LUZP2: variants seen among roughly 807,000 people sequenced by gnomAD.
LUZP2 encodes leucine zipper protein 2.
Under a neutral mutation model 51.6 loss-of-function variants are expected in LUZP2, and 52 were observed. That is an observed-to-expected ratio of 1.01 (90% CI 0.81 to 1.27). The LOEUF is 1.27. LUZP2 is among the 50% of genes most tolerant of loss of function. LUZP2 has a pLI of 0.00. For synonymous variants in LUZP2, 154 were observed against 137.3 expected (o/e 1.12, Z -0.85); for missense variants, 436 against 395.4 (o/e 1.10, Z -0.87).
chr11:24,854,258 G>A (rs1000810060), intron 5 of LUZP2, among the ~76,000 whole-genome samples: 26 of 152,208 alleles, frequency 1.7e-4, no homozygotes, highest in African/African-American at 5.8e-4. Context: ...CCAGGGAGAT[G>A]GAAGCTTTAT....
At chr11:24,936,776 G>C (rs970013404) in intron 7 of LUZP2, among the ~76,000 whole-genome samples, 2 of 152,008 alleles carry the variant, frequency 1.3e-5, no homozygotes, top group Non-Finnish European at 1.5e-5. Flanking sequence ...CTCTGAACTC[G>C]TGCAGTTTAG....
chr11:24,880,446 T>A (rs1158548191), intron 5 of LUZP2, among the ~76,000 whole-genome samples: 2 of 152,256 alleles, frequency 1.3e-5, no homozygotes, highest in South Asian at 4.1e-4. Flanking sequence ...GAAAGTGAAT[T>A]TTTGTGTAGA....
Position 24,712,283 on chromosome 11 carries a change from T to C in LUZP2, c.63-16886T>C, listed in dbSNP as rs1857860348. Among the ~76,000 whole-genome samples, 2 of 151,950 alleles carry C rather than the reference T, an allele frequency of 1.3e-5. 1 individual carries two copies. The highest frequency in any genetic ancestry group is 4.1e-4 in the South Asian group (2 of 4,832). ...AAAAAATTAGCCAGGCATGGTGGCA[T>C]GCACCCGTGGTCTCAGCTACTCACA... On this transcript the variant is annotated intron_variant, in intron 1 of 11. Coordinates refer to ENST00000336930, the MANE Select transcript of LUZP2 (RefSeq NM_001009909.4).
At chr11:24,665,044 A>G (rs1856167354) in intron 1 of LUZP2, among the ~76,000 whole-genome samples, 2 of 152,180 alleles carry the variant, frequency 1.3e-5, no homozygotes, top group Admixed American at 1.3e-4. Flanking sequence ...AAAGACACTC[A>G]ACGTCAGTAT....
At chr11:25,000,100 C>T (rs990220886) in intron 9 of LUZP2, among the ~76,000 whole-genome samples, 6 of 151,902 alleles carry the variant, frequency 3.9e-5, no homozygotes, top group African/African-American at 1.2e-4. Context: ...CTGATTGGTG[C>T]GGTTACAAAC....
chr11:24,557,671 G>T (rs1851912244), intron 1 of LUZP2, among the ~76,000 whole-genome samples: 1 of 152,012 alleles, frequency 6.6e-6, no homozygotes, highest in Non-Finnish European at 1.5e-5. Flanking sequence ...TCCATTAGGG[G>T]ATATATCAAA....
chr11:24,993,244 G>A (rs538734071), intron 9 of LUZP2, among the ~76,000 whole-genome samples: 2 of 152,042 alleles, frequency 1.3e-5, no homozygotes, highest in Admixed American at 1.3e-4. Context: ...ATATATAATG[G>A]GAGAAAATCA....
chr11:24,574,359 C>T (rs1728558908), intron 1 of LUZP2, among the ~76,000 whole-genome samples: 1 of 137,164 alleles, frequency 7.3e-6, no homozygotes, highest in African/African-American at 2.7e-5. Context: ...TCCTCCCTCC[C>T]TCCCTCCTTC....
intron 1 of LUZP2, among the ~76,000 whole-genome samples, chr11:24,715,263 A>ATGTGTGTG (rs58368050): frequency 0.067 from 8,984 of 133,382 alleles, 387 homozygotes; most frequent in East Asian, 0.15. Flanking sequence ...AGGAGCAACT[A>ATGTGTGTG]TGTGTGTGTG....
chr11:24,960,720 G>T (rs967212231), intron 7 of LUZP2, among the ~76,000 whole-genome samples: 1 of 151,952 alleles, frequency 6.6e-6, no homozygotes, highest in African/African-American at 2.4e-5. Context: ...TTAATTTTTT[G>T]AAGGGTCCTT....
At chr11:24,628,991 GTATAT>G (rs1202314047) in intron 1 of LUZP2, among the ~76,000 whole-genome samples, 1 of 151,854 alleles carries the variant, frequency 6.6e-6, no homozygotes, top group Non-Finnish European at 1.5e-5. Flanking sequence ...ATAATATATG[GTATAT>G]TATATATAAA....
intron 9 of LUZP2, among the ~76,000 whole-genome samples, chr11:24,994,771 T>C (rs1244259114): frequency 6.6e-6 from 1 of 152,206 alleles, no homozygotes; most frequent in Non-Finnish European, 1.5e-5. Context: ...TTCAGGGTGG[T>C]AATTTAATCT....
intron 5 of LUZP2, among the ~76,000 whole-genome samples, chr11:24,812,370 C>G (rs1850047450): frequency 6.6e-6 from 1 of 152,112 alleles, no homozygotes; most frequent in South Asian, 2.1e-4. Context: ...AAAACTTCTT[C>G]AATTCCCCTT....
intron 1 of LUZP2, among the ~76,000 whole-genome samples, chr11:24,632,008 A>G (rs901758196): frequency 7.2e-5 from 11 of 152,046 alleles, no homozygotes; most frequent in African/African-American, 2.7e-4. Flanking sequence ...CACAATCAAA[A>G]TGTAATATGG....
At chr11:24,502,859 A>G (rs1342013016) in intron 1 of LUZP2, among the ~76,000 whole-genome samples, 2 of 152,238 alleles carry the variant, frequency 1.3e-5, no homozygotes, top group African/African-American at 2.4e-5. Context: ...AGCTGTGAGT[A>G]CAAGTGTCAA....
At chr11:25,074,037 T>C (rs1859233035) in intron 10 of LUZP2, among the ~76,000 whole-genome samples, 1 of 152,194 alleles carries the variant, frequency 6.6e-6, no homozygotes, top group African/African-American at 2.4e-5. Context: ...AAAGTCTATT[T>C]CACTCCAAAG....
At chr11:24,974,376 A>T (rs10767291) in intron 7 of LUZP2, among the ~76,000 whole-genome samples, 138,145 of 152,006 alleles carry the variant, frequency 0.91, 64,235 homozygotes, top group Non-Finnish European at 1. Flanking sequence ...ATGGGTCTTG[A>T]CTCTTTATCA....
At chr11:25,014,149 T>C (rs1458584447) in intron 9 of LUZP2, among the ~76,000 whole-genome samples, 2 of 152,228 alleles carry the variant, frequency 1.3e-5, no homozygotes, top group Non-Finnish European at 2.9e-5. Context: ...CAGTCTATCA[T>C]TGTTGGACAT....
At chr11:24,882,363 C>T (rs1852498443) in intron 5 of LUZP2, among the ~76,000 whole-genome samples, 1 of 145,660 alleles carries the variant, frequency 6.9e-6, no homozygotes, top group South Asian at 2.1e-4. Context: ...GCTCCTTTCT[C>T]TCACACACTC....
Sources: allele counts gnomAD v4.1 joint callset (sites outside exome capture counted in the v4.1 genomes callset), GRCh38; gene constraint gnomAD v4.1.1; transcripts MANE v1.5; gene names NCBI Gene and HGNC (gene_info 2026-07-23, HGNC 2026-07-21).